Variants in COL6A5 observed in about 807,000 individuals in gnomAD.
The protein encoded by COL6A5 is collagen type VI alpha 5 chain.
In COL6A5, 48 loss-of-function variants were observed where a neutral mutation model predicts 65.6. The ratio of observed to expected loss-of-function variants is 0.73; its 90% CI spans 0.58 to 0.93. The LOEUF (loss-of-function observed/expected upper bound fraction) is 0.93. Among genes scored for constraint, COL6A5 ranks in the 40% least tolerant of loss-of-function variants. The probability of loss-of-function intolerance (pLI) is 0.00; values close to 1 mark genes in which losing one functional copy is unlikely to be tolerated. For missense variants in COL6A5, 914 were observed against 928.3 expected (o/e 0.98, Z 0.20); for synonymous variants, 291 against 322.8 (o/e 0.90, Z 1.05).
chr3:130,471,101 TTTTAAATGCTACTC>T, intron 7 of COL6A5, 134 bp downstream of exon 39: 1 of 665,758 alleles, frequency 1.5e-6, no homozygotes, highest in Non-Finnish European at 2.7e-6. Flanking sequence ...TGTGTGTGTG[TTTTAAATGCTACTC>T]GTTTGTGATG....
chr3:130,481,767 G>C (rs1478610622), intron 7 of COL6A5, among the ~76,000 whole-genome samples: 13 of 152,134 alleles, frequency 8.5e-5, no homozygotes, highest in Admixed American at 7.9e-4. Context: ...ATCTCATTGT[G>C]GTTTTGATTT....
At chr3:130,400,432 T>A (rs1936777324) in intron 10 of COL6A5, among the ~76,000 whole-genome samples, 1 of 152,220 alleles carries the variant, frequency 6.6e-6, no homozygotes, top group Non-Finnish European at 1.5e-5. Flanking sequence ...ATTAATAATT[T>A]AAAAATTTGT....
chr3:130,346,999 T>C lies in COL6A5; in HGVS notation c.-29+1018T>C, dbSNP rs74666537. Among the ~76,000 whole-genome samples, 1,512 of 152,312 alleles carry C rather than the reference T, an allele frequency of 9.9e-3. 18 individuals carry two copies. The highest frequency in any genetic ancestry group is 0.08 in the South Asian group (387 of 4,826). On this transcript the variant is annotated intron_variant and NMD_transcript_variant, in intron 1 of 41. Coordinates refer to the COL6A5 transcript ENST00000312481. ...AGTAGAGAAGATAATTCCCAAGTTT[T>C]TAAATAACTCCTTCAGATGAGGCAG...
chr3:130,395,570 T>C (rs1936571030), intron 8 of COL6A5, 105 bp downstream of exon 8: 1 of 864,516 alleles, frequency 1.2e-6, no homozygotes. Context: ...TTAGAACATA[T>C]ATTTAGTGAG....
exon 3 of COL6A5, chr3:130,376,373 T>C (rs377291695): frequency 1.6e-4 from 265 of 1,613,704 alleles, no homozygotes; most frequent in Non-Finnish European, 2.2e-4. Context: ...ACAAATACCG[T>C]GTAGCCCTGG....
chr3:130,447,211 CCT>C (rs1187547130), intron 4 of COL6A5, among the ~76,000 whole-genome samples: 1 of 152,080 alleles, frequency 6.6e-6, no homozygotes, highest in Non-Finnish European at 1.5e-5. Flanking sequence ...CATGCCTTCC[CCT>C]GTTTGGCAAG....
intron 27 of COL6A5, 51 bp from the exon 28 acceptor site, chr3:130,422,669 C>A: frequency 1.7e-6 from 2 of 1,178,170 alleles, no homozygotes; most frequent in Non-Finnish European, 1.2e-6. Flanking sequence ...TTTTTTAATT[C>A]TTTCATAGCA....
At chr3:130,358,799 C>A (rs1157456504) in intron 1 of COL6A5, among the ~76,000 whole-genome samples, 1 of 152,112 alleles carries the variant, frequency 6.6e-6, no homozygotes, top group Non-Finnish European at 1.5e-5. Flanking sequence ...GATATACATT[C>A]GTTTTGACCC....
In COL6A5 at chr3:130,373,881, A is replaced by G. The variant is rs554960737; in HGVS notation, c.67+176A>G. ...GAAAGACAGCACAAAGCCATGAGCAAAAGTCAGGAGTTATGTTGCACCTGG... is the reference window on the plus strand; with the variant it reads ...GAAAGACAGCACAAAGCCATGAGCAGAAGTCAGGAGTTATGTTGCACCTGG... On this transcript the variant is annotated intron_variant and NMD_transcript_variant, in intron 2 of 41. Coordinates refer to the COL6A5 transcript ENST00000312481. Among the ~76,000 whole-genome samples the G allele has an allele frequency of 3.3e-5, 5 of 152,314 alleles. No individual in the cohort carries two copies. The South Asian group carries it at 1.0e-3, about 32-fold the overall frequency.
chr3:130,420,144 A>AGAACGAAG (rs1553753699), intron 25 of COL6A5, among the ~76,000 whole-genome samples: 1 of 151,174 alleles, frequency 6.6e-6, no homozygotes, highest in Non-Finnish European at 1.5e-5. Context: ...AAAGGAAGAA[A>AGAACGAAG]GAAGGAAGGA....
intron 1 of COL6A5, among the ~76,000 whole-genome samples, chr3:130,346,436 G>A (rs770498734): frequency 5.3e-5 from 8 of 152,124 alleles, no homozygotes; most frequent in Non-Finnish European, 8.8e-5. Flanking sequence ...AACAGCAATG[G>A]GTGTGTAGGT....
chr3:130,463,273 G>A (rs1709740261), intron 5 of COL6A5, among the ~76,000 whole-genome samples: 2 of 151,984 alleles, frequency 1.3e-5, no homozygotes, highest in African/African-American at 4.8e-5. Context: ...TGTACATGTG[G>A]CTTGCCTATG....
At chr3:130,352,022 C>T (rs1463620563) in intron 1 of COL6A5, among the ~76,000 whole-genome samples, 1 of 152,104 alleles carries the variant, frequency 6.6e-6, no homozygotes, top group African/African-American at 2.4e-5. Context: ...ATGGATCAAG[C>T]TGGAATCCAT....
chr3:130,381,761 A>G (rs553230104), intron 4 of COL6A5, among the ~76,000 whole-genome samples: 2 of 152,226 alleles, frequency 1.3e-5, no homozygotes, highest in South Asian at 4.1e-4. Context: ...TTCCAATGAT[A>G]TTAAAGGCTA....
exon 25 of COL6A5, chr3:130,418,917 C>T: frequency 2.6e-6 from 4 of 1,550,688 alleles, no homozygotes; most frequent in Non-Finnish European, 3.5e-6. Context: ...GCAAACTGGG[C>T]AGCGAGGAAG....
rs982243810 is a variant in COL6A5 at position 130,391,411 on chromosome 3, G to A, written c.2649G>A (p.Lys883=). ...CAGCAATAATTGAGAATCTGCGGAA[G>A]CGCAGGGACACTGGAGGGAACACCT... Residue 883 remains lysine, a synonymous_variant and NMD_transcript_variant, in exon 7 of 42, where the codon AAG becomes AAA. Transcript: ENST00000312481. The A allele has an allele frequency of 1.0e-5, 16 of 1,551,578 alleles. 1 individual carries two copies. Among genetic ancestry groups the A allele is most frequent in the Non-Finnish European group, 1.4e-5 (16 of 1,146,988 alleles).
At chr3:130,455,403 G>T (rs1709547729) in intron 4 of COL6A5, 52 bp from the exon 37 acceptor site, 4 of 1,064,296 alleles carry the variant, frequency 3.8e-6, no homozygotes, top group Non-Finnish European at 5.6e-6. Flanking sequence ...TGTTTTATTT[G>T]CCTCCTTCTC....
intron 19 of COL6A5, 127 bp downstream of exon 19, chr3:130,410,201 T>G: frequency 1.4e-6 from 1 of 716,530 alleles, no homozygotes; most frequent in Non-Finnish European, 2.3e-6. Flanking sequence ...GACCTTTATT[T>G]TTTGATGATG....
At position 130,443,583 on chromosome 3, in the gene COL6A5, T is replaced by C. The variant is rs1187195401; in HGVS notation, c.1332+17T>C. The C allele has an allele frequency of 3.3e-6, 5 of 1,530,502 alleles. No individual in the cohort carries two copies. The highest frequency in any genetic ancestry group is 2.3e-5 in the East Asian group (1 of 44,364). 94.8% of individuals were successfully genotyped at this position (1,530,502 alleles called of 1,614,324 possible). On this transcript the variant is annotated intron_variant, in intron 4 of 7. Coordinates refer to ENST00000512836, the Ensembl canonical transcript of COL6A5. The stretch of plus-strand genomic sequence containing the variant: ...TGGTTTCCAGTAAGTTAGAAAGCTC[T>C]TATATTTACAAGTGACTGCTAATTG...
Sources: gnomAD v4.1 joint callset for allele counts (sites outside exome capture counted in the v4.1 genomes callset) on GRCh38, gnomAD v4.1.1 for gene constraint, MANE v1.5 for transcripts, NCBI Gene and HGNC (gene_info 2026-07-23, HGNC 2026-07-21) for gene names.